Variants in STX8 observed in about 807,000 individuals in gnomAD.
The protein encoded by STX8 is syntaxin-8.
In STX8, 23 loss-of-function variants were observed where a neutral mutation model predicts 37.5. That is an observed-to-expected ratio of 0.61 (90% CI 0.44 to 0.87). The LOEUF is 0.87. Ranked by LOEUF, STX8 falls within the 40% of genes least tolerant of loss-of-function variation. The pLI is 0.00. For missense variants in STX8, 313 were observed against 284.7 expected (o/e 1.10, Z -0.71); for synonymous variants, 115 against 99.1 (o/e 1.16, Z -0.95).
At chr17:9,283,923 GT>G in intron 7 of STX8, among the ~76,000 whole-genome samples, 1 of 152,194 alleles carries the variant, frequency 6.6e-6, no homozygotes, top group East Asian at 1.9e-4. Context: ...GGAAAAGGCT[GT>G]TTTACTGTGG....
rs1906906622 is a variant in STX8, at chr17:9,554,901, T to G, written c.212+2533A>C. The stretch of plus-strand genomic sequence containing the variant: ...GTCTGGGCGACAGAGCAAGACTCCA[T>G]CTCAAAAAAAAAAAAAAAAAAAAAG... On this transcript the variant is annotated intron_variant, in intron 3 of 7. Transcript: ENST00000306357. 2.5e-5 allele frequency: 3 copies of G among 119,424 alleles called. No homozygotes were observed. The Admixed American group carries it at 2.9e-4, about 11-fold the overall frequency. The allele number at this position is 119,424 out of a possible 1,614,324, so 7.4% of individuals were successfully genotyped here.
intron 6 of STX8, among the ~76,000 whole-genome samples, chr17:9,457,376 C>A (rs1251476546): frequency 6.6e-6 from 1 of 152,204 alleles, no homozygotes; most frequent in East Asian, 1.9e-4. Flanking sequence ...CCCCTTCTAT[C>A]TTCTAAGCCA....
chr17:9,333,015 G>C (rs896820191), intron 7 of STX8, among the ~76,000 whole-genome samples: 1 of 152,168 alleles, frequency 6.6e-6, no homozygotes, highest in Non-Finnish European at 1.5e-5. Context: ...TTCCCCTACC[G>C]AGAATGAAGA....
At chr17:9,313,301 G>A (rs73976038) in intron 7 of STX8, among the ~76,000 whole-genome samples, 4 of 152,280 alleles carry the variant, frequency 2.6e-5, no homozygotes, top group East Asian at 3.9e-4. Flanking sequence ...AGGGGTTTTC[G>A]TTGAAGATGT....
chr17:9,510,465 G>A lies in STX8; in HGVS notation c.324-5303C>T, dbSNP rs186355035. 2.2e-3 allele frequency among the ~76,000 whole-genome samples: 337 copies of A among 152,146 alleles called. 1 individual carries two copies. Among genetic ancestry groups the A allele is most frequent in the Non-Finnish European group, 3.9e-3 (268 of 67,958 alleles). ...CAGTGGAAAATATCAATAACATGAG[G>A]AACATGCAAAATGATACAAACACAT... On this transcript the variant is annotated intron_variant, in intron 4 of 7. Transcript: ENST00000306357.
At chr17:9,259,214 T>TTG (rs1906916729) in intron 7 of STX8, among the ~76,000 whole-genome samples, 1 of 152,168 alleles carries the variant, frequency 6.6e-6, no homozygotes. Flanking sequence ...AATCCTGACT[T>TTG]CACAGGCTTG....
At chr17:9,458,302 G>A (rs914663398) in intron 6 of STX8, among the ~76,000 whole-genome samples, 1 of 150,796 alleles carries the variant, frequency 6.6e-6, no homozygotes. Flanking sequence ...GGCGACCACT[G>A]CCACGCCTGG....
At chr17:9,405,839 T>C (rs1408398258) in intron 6 of STX8, among the ~76,000 whole-genome samples, 1 of 152,186 alleles carries the variant, frequency 6.6e-6, no homozygotes, top group Non-Finnish European at 1.5e-5. Context: ...AAAACCTCTT[T>C]CTGAAATTAT....
At chr17:9,536,875 C>T (rs1388460823) in intron 4 of STX8, among the ~76,000 whole-genome samples, 1 of 152,028 alleles carries the variant, frequency 6.6e-6, no homozygotes, top group Admixed American at 6.6e-5. Flanking sequence ...TCCCGAATAG[C>T]TGGGATTACA....
chr17:9,511,794 A>C lies in STX8; in HGVS notation c.324-6632T>G, dbSNP rs531133758. Among the ~76,000 whole-genome samples the C allele has an allele frequency of 1.6e-3, 238 of 152,330 alleles. 1 individual carries two copies. The highest frequency in any genetic ancestry group is 5.2e-3 in the African/African-American group (216 of 41,566). ...ATTAAAATTGGAAAGGAGAAAGTCA[A>C]ATTGTTTCTGTTTGCAGAAAACATG... On this transcript the variant is annotated intron_variant, in intron 4 of 7. Transcript: ENST00000306357.
At chr17:9,269,724 G>A (rs1415508867) in intron 7 of STX8, among the ~76,000 whole-genome samples, 1 of 152,132 alleles carries the variant, frequency 6.6e-6, no homozygotes, top group Non-Finnish European at 1.5e-5. Context: ...CATTCCTAAC[G>A]AAATGATCCA....
intron 6 of STX8, among the ~76,000 whole-genome samples, chr17:9,470,243 C>T (rs1366827128): frequency 6.6e-6 from 1 of 152,154 alleles, no homozygotes; most frequent in Non-Finnish European, 1.5e-5. Flanking sequence ...ACCGTTGAGA[C>T]CACATTACCT....
At chr17:9,336,915 T>C (rs1233180267) in intron 7 of STX8, among the ~76,000 whole-genome samples, 3 of 152,166 alleles carry the variant, frequency 2.0e-5, no homozygotes, top group Non-Finnish European at 4.4e-5. Context: ...GCAGGAGAAA[T>C]GAAGTTCTGA....
intron 6 of STX8, among the ~76,000 whole-genome samples, chr17:9,431,707 A>AGTT (rs891057398): frequency 2.6e-5 from 4 of 152,212 alleles, no homozygotes; most frequent in African/African-American, 9.7e-5. Flanking sequence ...GTAACAAGGT[A>AGTT]AGGCTCACTT....
chr17:9,327,303 AAAG>A lies in STX8; in HGVS notation c.643+51246_643+51248del, dbSNP rs1305649124. ...GAAGGAAGAAAGAAGAAGAAGAAAGAAAGAAGAAGAAGGAAGAAGGAGAAGAGA... is the reference window on the plus strand; with the variant it reads ...GAAGGAAGAAAGAAGAAGAAGAAAGAAAGAAGAAGGAAGAAGGAGAAGAGA... On this transcript the variant is annotated intron_variant, in intron 7 of 7. Transcript: ENST00000306357. 1.8e-3 allele frequency among the ~76,000 whole-genome samples: 264 copies of A among 149,050 alleles called. 3 individuals are homozygous for A. The highest frequency in any genetic ancestry group is 5.8e-3 in the African/African-American group (227 of 39,194).
At chr17:9,368,268 G>A (rs747127008) in intron 7 of STX8, among the ~76,000 whole-genome samples, 98 of 152,254 alleles carry the variant, frequency 6.4e-4, no homozygotes, top group Non-Finnish European at 4.7e-4. Flanking sequence ...ACTTTGGGAG[G>A]CCGAGGAGGG....
chr17:9,402,098 G>GTTTATTTA lies in STX8; in HGVS notation c.542-23453_542-23446dup, dbSNP rs59077711. 4.6e-5 allele frequency among the ~76,000 whole-genome samples: 7 copies of GTTTATTTA among 150,610 alleles called. No homozygotes were observed. In the East Asian group the frequency reaches 1.2e-3, roughly 26 times the overall value. On this transcript the variant is annotated intron_variant, in intron 6 of 7. Coordinates refer to ENST00000306357, the MANE Select transcript of STX8 (RefSeq NM_004853.3). The stretch of plus-strand genomic sequence containing the variant: ...ACGTTTTCAATAGCCCTTGTATTTT[G>GTTTATTTA]TTTATTTATTTATTTATTTATTTAT...
intron 6 of STX8, among the ~76,000 whole-genome samples, chr17:9,405,847 T>C (rs1330198391): frequency 6.6e-6 from 1 of 152,236 alleles, no homozygotes; most frequent in Admixed American, 6.5e-5. Context: ...TTTCTGAAAT[T>C]ATCAAACCAT....
intron 7 of STX8, among the ~76,000 whole-genome samples, chr17:9,292,595 C>T (rs1046767559): frequency 6.6e-6 from 1 of 152,206 alleles, no homozygotes; most frequent in Non-Finnish European, 1.5e-5. Context: ...ATGCTTTATT[C>T]TGAGGCCTAC....
Sources: allele counts gnomAD v4.1 joint callset (sites outside exome capture counted in the v4.1 genomes callset), GRCh38; gene constraint gnomAD v4.1.1; transcripts MANE v1.5; gene names NCBI Gene and HGNC (gene_info 2026-07-23, HGNC 2026-07-21).